MAMDC4: variants seen among roughly 807,000 people sequenced by gnomAD.
The protein encoded by MAMDC4 is MAM domain containing 4.
Under a neutral mutation model 153.3 loss-of-function variants are expected in MAMDC4, and 168 were observed. The observed-to-expected ratio is 1.10, with a 90% confidence interval of 0.97 to 1.25. The LOEUF (loss-of-function observed/expected upper bound fraction) is 1.25. Among genes scored for constraint, MAMDC4 ranks in the 50% most tolerant of loss-of-function variants. The pLI is 0.00. For synonymous variants in MAMDC4, 744 were observed against 651.5 expected (o/e 1.14, Z -2.16); for missense variants, 1,701 against 1,542.8 (o/e 1.10, Z -1.72).
chr9:136,860,561 G>C lies in MAMDC4; in HGVS notation c.3373-1G>C. On this transcript the variant is annotated splice_acceptor_variant, in intron 26 of 26. Transcript: ENST00000317446. LOFTEE classifies it high-confidence loss of function. Reference sequence around the variant, plus strand: ...AAAAAAGCTCCTCTTCCTCCTCCTAGGATGGTGTCACCCTCCCGGCATCTG... The same window carrying C: ...AAAAAAGCTCCTCTTCCTCCTCCTACGATGGTGTCACCCTCCCGGCATCTG... 1 of 1,612,246 alleles carries C rather than the reference G, an allele frequency of 6.2e-7. No individual in the cohort carries two copies.
At chr9:136,858,165 G>T in intron 20 of MAMDC4, 21 bp from the exon 21 acceptor site, 1 of 1,561,966 alleles carries the variant, frequency 6.4e-7, no homozygotes. Flanking sequence ...CGCTGAGGCT[G>T]CCCTGCCCTG....
intron 26 of MAMDC4, 40 bp from the exon 27 acceptor site, chr9:136,860,522 A>G: frequency 6.3e-7 from 1 of 1,591,234 alleles, no homozygotes; most frequent in Non-Finnish European, 8.5e-7. Context: ...ACTCCGTCTC[A>G]GGAAAGAAAG....
In MAMDC4 at chr9:136,858,790, C is replaced by T. The variant is rs1849045430; in HGVS notation, c.2893C>T (p.Leu965=). The change falls in exon 23 of 27, where the codon CTG becomes TTG. Residue 965 remains leucine, a synonymous_variant. Transcript: ENST00000317446. The part of the protein sequence containing the change: ...GRAAWLRSEP[L]PATPASCLRF... Reference sequence around the variant, plus strand: ...GGCCGCCTGGCTGCGCAGCGAGCCTCTGCCGGCCACCCCAGCCTCCTGCCT... The same window carrying T: ...GGCCGCCTGGCTGCGCAGCGAGCCTTTGCCGGCCACCCCAGCCTCCTGCCT... 1 of 1,610,508 alleles carries T rather than the reference C, an allele frequency of 6.2e-7. No homozygotes were observed. The highest frequency in any genetic ancestry group is 1.3e-5 in the African/African-American group (1 of 74,816).
Position 136,857,219 on chromosome 9 carries a change from G to T in MAMDC4, c.2027G>T (p.Arg676Leu). 1 of 1,611,184 alleles carries T rather than the reference G, an allele frequency of 6.2e-7. No homozygotes were observed. Among genetic ancestry groups the T allele is most frequent in the Non-Finnish European group, 8.5e-7 (1 of 1,179,318 alleles). ...GGGGAGGAGACACACCTGTGGTCGC[G>T]GTCAGGCACCCAGGGCAACCGCTGG... ...REGEETHLWS[R>L]SGTQGNRWHE... The change falls in exon 17 of 27, where the codon CGG becomes CTG. Residue 676 changes from arginine to leucine, a missense_variant. By Grantham distance (102) the Arg-to-Leu change is moderately radical. Transcript: ENST00000317446.
In MAMDC4 at chr9:136,854,948, T is replaced by C. The variant is rs1423370289; in HGVS notation, c.1035T>C (p.Tyr345=). 6.2e-7 allele frequency: 1 copy of C among 1,611,324 alleles called. No homozygotes were observed. The highest frequency in any genetic ancestry group is 8.5e-7 in the Non-Finnish European group (1 of 1,179,316). The part of the protein sequence containing the change: ...SGTSNCSLVF[Y]QYLSGSEAGC... Reference sequence around the variant, plus strand: ...TCTTGGTTCCACAGCTGGTCTTCTATCAGTACCTGAGTGGGTCTGAGGCTG... The same window carrying C: ...TCTTGGTTCCACAGCTGGTCTTCTACCAGTACCTGAGTGGGTCTGAGGCTG... The change falls in exon 10 of 27, where the codon TAT becomes TAC. Residue 345 remains tyrosine, a synonymous_variant. Transcript: ENST00000317446.
chr9:136,860,096 C>A, intron 26 of MAMDC4, 32 bp downstream of exon 26: 1 of 1,519,278 alleles, frequency 6.6e-7, no homozygotes, highest in Non-Finnish European at 8.8e-7. Context: ...TGGGCAGGAG[C>A]CTCTGTGCTC....
At chr9:136,853,696 T>C in intron 4 of MAMDC4, 26 bp downstream of exon 4, 1 of 663,546 alleles carries the variant, frequency 1.5e-6, no homozygotes, top group Non-Finnish European at 2.4e-6. Context: ...CCAAGGCTCG[T>C]GGGGGGTGCC....
Position 136,858,296 on chromosome 9 carries a change from C to A in MAMDC4, c.2674+20C>A. ...AGCCAGGTGGGAGCCCTGCCGTGGC[C>A]TCGGCCCTGCTCTGGGGTGCCTGCC... is the stretch of plus-strand genomic sequence containing the variant. On this transcript the variant is annotated intron_variant, in intron 21 of 26. Coordinates refer to ENST00000317446, the MANE Select transcript of MAMDC4 (RefSeq NM_206920.3). 1 of 1,600,894 alleles carries A rather than the reference C, an allele frequency of 6.2e-7. No individual in the cohort carries two copies. The highest frequency in any genetic ancestry group is 2.2e-5 in the East Asian group (1 of 44,848).
In MAMDC4 at chr9:136,854,662, G is replaced by C; in HGVS notation, c.920G>C (p.Arg307Pro). ...TCCTGGCCACGCCGTGACCACAGCC[G>C]GAACAGTGCACAGGGTGAGGCCCAC... ...RPSWPRRDHS[R>P]NSAQGSFLVS... Residue 307 changes from arginine to proline, a missense_variant, in exon 8 of 27, where the codon CGG becomes CCG. Transcript: ENST00000317446. The C allele has an allele frequency of 6.2e-7, 1 of 1,610,414 alleles. No homozygotes were observed. The highest frequency in any genetic ancestry group is 1.3e-5 in the African/African-American group (1 of 74,978).
Position 136,856,894 on chromosome 9 carries a change from A to ATGCCCCC in MAMDC4, c.1838-9_1838-3dup, listed in dbSNP as rs1377728988. Reference sequence around the variant, plus strand: ...TGGGGCATCTCTGCAGCACAGCCCCATGCCCCCTGCAGGCCACTTTGTGCT... The same window carrying ATGCCCCC: ...TGGGGCATCTCTGCAGCACAGCCCCATGCCCCCTGCCCCCTGCAGGCCACTTTGTGCT... On this transcript the variant is annotated splice_polypyrimidine_tract_variant and intron_variant, in intron 15 of 26. Coordinates refer to ENST00000317446, the MANE Select transcript of MAMDC4 (RefSeq NM_206920.3). The ATGCCCCC allele has an allele frequency of 1.2e-6, 2 of 1,610,272 alleles. No individual in the cohort carries two copies. The highest frequency in any genetic ancestry group is 1.1e-5 in the South Asian group (1 of 91,030).
rs760597975 is a variant in MAMDC4, at chr9:136,858,795, G to A, written c.2898G>A (p.Pro966=). 5.0e-6 allele frequency: 8 copies of A among 1,610,558 alleles called. No homozygotes were observed. In the East Asian group the frequency reaches 6.7e-5, roughly 13 times the overall value. ...RAAWLRSEPL[P]ATPASCLRFW... is the part of the protein sequence containing the mutation. ...CCTGGCTGCGCAGCGAGCCTCTGCC[G>A]GCCACCCCAGCCTCCTGCCTCCGCT... Residue 966 remains proline (P), a synonymous_variant, in exon 23 of 27, where the codon CCG becomes CCA. Coordinates refer to ENST00000317446, the MANE Select transcript of MAMDC4 (RefSeq NM_206920.3).
At chr9:136,856,534 T>G (rs755618179) in intron 14 of MAMDC4, 176 bp from the exon 15 acceptor site, 1 of 800,514 alleles carries the variant, frequency 1.2e-6, no homozygotes, top group Admixed American at 1.7e-5. Flanking sequence ...AACGTGACCC[T>G]GAGGGACTGT....
At chr9:136,859,839 G>T (rs749631361) in intron 25 of MAMDC4, 47 bp from the exon 26 acceptor site, 1 of 1,599,482 alleles carries the variant, frequency 6.3e-7, no homozygotes, top group South Asian at 1.1e-5. Context: ...CTTAGCCCCA[G>T]ATGTGGGGGC....
In MAMDC4 at chr9:136,854,332, C is replaced by A; in HGVS notation, c.792C>A (p.Thr264=). The change falls in exon 7 of 27, where the codon ACC becomes ACA. Residue 264 remains threonine (T), a synonymous_variant. Transcript: ENST00000317446. The stretch of plus-strand genomic sequence containing the variant: ...ACCTGTCTGATGAGAACCCACTCAC[C>A]TGTGGTGAGGCCGGAGTGGGGGCCC... The part of the protein sequence containing the change: ...CGDLSDENPL[T]CGRHIATDFE... 3 of 1,565,412 alleles carry A rather than the reference C, an allele frequency of 1.9e-6. No individual in the cohort carries two copies. Among genetic ancestry groups the A allele is most frequent in the East Asian group, 2.3e-5 (1 of 43,684 alleles).
chr9:136,855,598 G>A lies in MAMDC4; in HGVS notation c.1450G>A (p.Gly484Ser), dbSNP rs1290919571. The change falls in exon 12 of 27, where the codon GGC becomes AGC. Residue 484 changes from glycine (G) to serine (S), a missense_variant. By Grantham distance (56) the Gly-to-Ser change is moderately conservative (BLOSUM62 0). Coordinates refer to ENST00000317446, the MANE Select transcript of MAMDC4 (RefSeq NM_206920.3). ...TGACTTCGAGGAGCAGTGCGCAGGG[G>A]GCGAGGACGAGCAGGCCTGTGGTAA... Reference protein sequence around the residue: ...LCDFEEQCAGGEDEQACGTTD... With the variant: ...LCDFEEQCAGSEDEQACGTTD... The A allele has an allele frequency of 6.3e-6, 10 of 1,584,960 alleles. 1 individual carries two copies. In the South Asian group the frequency reaches 1.1e-4, roughly 18 times the overall value.
At chr9:136,860,349 G>A (rs919710761) in intron 26 of MAMDC4, among the ~76,000 whole-genome samples, 4 of 152,126 alleles carry the variant, frequency 2.6e-5, no homozygotes, top group African/African-American at 7.2e-5. Flanking sequence ...GTGAAACCCC[G>A]TCTCAACTAA....
chr9:136,854,883 C>T (rs114184364), intron 9 of MAMDC4, 33 bp downstream of exon 9: 2 of 1,612,604 alleles, frequency 1.2e-6, no homozygotes, highest in African/African-American at 2.7e-5. Flanking sequence ...GGCCTCCCTG[C>T]TCTCCGTGCT....
rs1849021047 is a variant in MAMDC4 at position 136,857,381 on chromosome 9, C to T, written c.2121C>T (p.Gly707=). The T allele has an allele frequency of 1.9e-6, 3 of 1,608,234 alleles. No homozygotes were observed. Among genetic ancestry groups the T allele is most frequent in the Non-Finnish European group, 2.5e-6 (3 of 1,179,832 alleles). Residue 707 remains glycine, a synonymous_variant, in exon 18 of 27, where the codon GGC becomes GGT. Coordinates refer to ENST00000317446, the MANE Select transcript of MAMDC4 (RefSeq NM_206920.3). ...TCCACCCCCAGCTGCTGTTCGAGGG[C>T]CTCCGGGACGGATACCACGGCACCA... ...SHAQYQLLFE[G]LRDGYHGTMA...
At chr9:136,860,247 C>T (rs1351436278) in intron 26 of MAMDC4, among the ~76,000 whole-genome samples, 183 bp downstream of exon 26, 1 of 152,138 alleles carries the variant, frequency 6.6e-6, no homozygotes, top group African/African-American at 2.4e-5. Flanking sequence ...TGGCCGGGCG[C>T]GGTGGCTCAC....
Sources: gnomAD v4.1 joint callset for allele counts (sites outside exome capture counted in the v4.1 genomes callset) on GRCh38, gnomAD v4.1.1 for gene constraint, MANE v1.5 for transcripts, NCBI Gene and HGNC (gene_info 2026-07-23, HGNC 2026-07-21) for gene names.